AXIN1: variants seen among roughly 807,000 people sequenced by gnomAD.
AXIN1 encodes axin 1.
Under a neutral mutation model 76.4 loss-of-function variants are expected in AXIN1, and 30 were observed. The ratio of observed to expected loss-of-function variants is 0.39; its 90% CI spans 0.29 to 0.53. The LOEUF is 0.53. Among genes scored for constraint, AXIN1 ranks in the 20% least tolerant of loss-of-function variants. The probability of loss-of-function intolerance (pLI) is 0.66; values close to 1 mark genes in which losing one functional copy is unlikely to be tolerated. For synonymous variants in AXIN1, 545 were observed against 501.4 expected (o/e 1.09, Z -1.16); for missense variants, 1,140 against 1,198.8 (o/e 0.95, Z 0.72).
At chr16:319,657 G>A (rs1275016471) in intron 2 of AXIN1, among the ~76,000 whole-genome samples, 1 of 152,184 alleles carries the variant, frequency 6.6e-6, no homozygotes, top group Non-Finnish European at 1.5e-5. Flanking sequence ...CCCCAGGAAG[G>A]CACCTCTCTG....
rs9939865 is a variant in AXIN1, at chr16:287,613, G to A, written c.*509C>T. 0.03 allele frequency: 9,514 copies of A among 312,364 alleles called. 254 individuals carry two copies. Among genetic ancestry groups the A allele is most frequent in the African/African-American group, 0.078 (3,715 of 47,848 alleles). 19.3% of individuals were successfully genotyped at this position (312,364 alleles called of 1,614,324 possible). ...AAGGAGGACCCAGGACTGCACAGCC[G>A]GCGGCTGGAGGCAGGTGCAGTGCTC... On this transcript the variant is annotated 3_prime_UTR_variant, in exon 11 of 11. Coordinates refer to ENST00000262320, the MANE Select transcript of AXIN1 (RefSeq NM_003502.4).
intron 5 of AXIN1, among the ~76,000 whole-genome samples, chr16:301,611 C>G (rs1270191337): frequency 1.3e-5 from 2 of 152,198 alleles, no homozygotes; most frequent in Non-Finnish European, 2.9e-5. Flanking sequence ...GGTAATATAG[C>G]AAGATTCCAT....
At chr16:350,999 C>T (rs568333169) in intron 1 of AXIN1, among the ~76,000 whole-genome samples, 22 of 152,250 alleles carry the variant, frequency 1.4e-4, no homozygotes, top group Middle Eastern at 3.4e-3. Flanking sequence ...GGCTTGGTGG[C>T]GCATGCCTAT....
intron 2 of AXIN1, among the ~76,000 whole-genome samples, chr16:341,272 G>A (rs1173718229): frequency 6.6e-6 from 1 of 152,270 alleles, no homozygotes; most frequent in Non-Finnish European, 1.5e-5. Context: ...GGAGGGAGAG[G>A]CGCGAGCGGG....
At chr16:308,989 C>T (rs919795493) in intron 4 of AXIN1, among the ~76,000 whole-genome samples, 9 of 152,184 alleles carry the variant, frequency 5.9e-5, no homozygotes, top group Admixed American at 1.3e-4. Context: ...AAAATGCCTA[C>T]TTCCCTGCAC....
Position 297,258 on chromosome 16 carries a change from C to A in AXIN1, c.1785-32G>T, listed in dbSNP as rs780326608. On this transcript the variant is annotated intron_variant, in intron 6 of 10. Transcript: ENST00000262320. ...GGGCAAGAGCTGCGAGTCGCCCTGG[C>A]CTCCGGTGGCCGAGGCTGTGCCCCT... is the stretch of plus-strand genomic sequence containing the variant. 1.2e-5 allele frequency: 19 copies of A among 1,600,670 alleles called. No individual in the cohort carries two copies. In the African/African-American group the frequency reaches 2.3e-4, roughly 19 times the overall value.
At position 344,299 on chromosome 16, in the gene AXIN1, G is replaced by A. The variant is rs550919227; in HGVS notation, c.878+1849C>T. ...ACAAAAAATTGGCCGGCATGGTGGC[G>A]GGCGCCTGTAGTCCCAGCTACTTGG... On this transcript the variant is annotated intron_variant, in intron 2 of 10. Transcript: ENST00000262320. Among the ~76,000 whole-genome samples, 207 of 151,336 alleles carry A rather than the reference G, an allele frequency of 1.4e-3. 2 individuals are homozygous for A. Among genetic ancestry groups the A allele is most frequent in the African/African-American group, 1.4e-3 (59 of 41,338 alleles).
Position 293,311 on chromosome 16 carries a change from G to A in AXIN1, c.2186+177C>T. The A allele has an allele frequency of 1.5e-6, 1 of 663,426 alleles. No individual in the cohort carries two copies. The highest frequency in any genetic ancestry group is 4.2e-4 in the Middle Eastern group (1 of 2,384). The allele number at this position is 663,426 out of a possible 1,614,324, so 41.1% of individuals were successfully genotyped here. ...CAGCCCCAGCCTCCGTCCACCGCAG[G>A]GTGGCCTGCCACGTGGCCCCTCAGT... On this transcript the variant is annotated intron_variant, in intron 8 of 10. Coordinates refer to ENST00000262320, the MANE Select transcript of AXIN1 (RefSeq NM_003502.4). This position sits in a 1 kb window ranked among gnomAD's most constrained non-coding sequence, Gnocchi z 4.6.
chr16:327,606 C>A (rs13332558), intron 2 of AXIN1, among the ~76,000 whole-genome samples: 6 of 152,210 alleles, frequency 3.9e-5, no homozygotes, highest in African/African-American at 1.4e-4. Context: ...TGTCCACAGG[C>A]GCAGCACAGG....
intron 9 of AXIN1, chr16:290,719 G>C (rs567630737): frequency 3.3e-6 from 1 of 306,770 alleles, no homozygotes. Flanking sequence ...GGTGGGAGCA[G>C]AGCCCCGACT....
chr16:291,374 T>C, intron 8 of AXIN1, 77 bp from the exon 9 acceptor site: 1 of 1,255,760 alleles, frequency 8.0e-7, no homozygotes, highest in African/African-American at 1.5e-5. Flanking sequence ...CCAATGCTGC[T>C]GCGCAGGGAC....
rs2052961375 is a variant in AXIN1 at position 304,404 on chromosome 16, G to A, written c.1154C>T (p.Pro385Leu). 6.2e-7 allele frequency: 1 copy of A among 1,612,760 alleles called. No homozygotes were observed. Among genetic ancestry groups the A allele is most frequent in the Non-Finnish European group, 8.5e-7 (1 of 1,179,966 alleles). Reference sequence around the variant, plus strand: ...GATGAGCTCCTCCGCGAACTTCTGAGGCTCCACGCGGACCTCCTTCGGCAC... The same window carrying A: ...GATGAGCTCCTCCGCGAACTTCTGAAGCTCCACGCGGACCTCCTTCGGCAC... ...YRVPKEVRVE[P>L]QKFAEELIHR... The change falls in exon 5 of 11, where the codon CCT becomes CTT. Residue 385 changes from proline to leucine, a missense_variant. Coordinates refer to ENST00000262320, the MANE Select transcript of AXIN1 (RefSeq NM_003502.4).
At chr16:348,245 G>C (rs1385501948) in intron 1 of AXIN1, among the ~76,000 whole-genome samples, 1 of 152,234 alleles carries the variant, frequency 6.6e-6, no homozygotes, top group Non-Finnish European at 1.5e-5. Flanking sequence ...ACAACAGCCT[G>C]CCATGATGTA....
intron 3 of AXIN1, 72 bp downstream of exon 3, chr16:314,471 G>C (rs2053253307): frequency 6.2e-7 from 1 of 1,600,546 alleles, no homozygotes; most frequent in Admixed American, 1.7e-5. Context: ...CTGTCCTCAA[G>C]GGACAAGGTG....
chr16:294,908 C>CA (rs2052668153), intron 7 of AXIN1, among the ~76,000 whole-genome samples: 1 of 150,632 alleles, frequency 6.6e-6, no homozygotes, highest in Admixed American at 6.6e-5. Flanking sequence ...TAAAAAAATA[C>CA]AAAAAATTAG....
intron 2 of AXIN1, among the ~76,000 whole-genome samples, chr16:330,442 AAC>A (rs2053671658): frequency 6.6e-6 from 1 of 152,210 alleles, no homozygotes; most frequent in South Asian, 2.1e-4. Context: ...GTACATGAAG[AAC>A]ACTTTGAAAA....
Position 344,551 on chromosome 16 carries a change from C to T in AXIN1, c.878+1597G>A, listed in dbSNP as rs185488877. Among the ~76,000 whole-genome samples, 484 of 151,244 alleles carry T rather than the reference C, an allele frequency of 3.2e-3. 2 individuals carry two copies. Among genetic ancestry groups the T allele is most frequent in the South Asian group, 3.8e-3 (18 of 4,768 alleles). On this transcript the variant is annotated intron_variant, in intron 2 of 10. Coordinates refer to ENST00000262320, the MANE Select transcript of AXIN1 (RefSeq NM_003502.4). ...TCGCCCAGGCTGGAGTGCAATGGCA[C>T]AACCAAGGCTCACTGCAACCTCTGC...
chr16:289,743 G>GCCCGAGGCCCCACTGCC lies in AXIN1; in HGVS notation c.2295-137_2295-136insGGCAGTGGGGCCTCGGG, dbSNP rs550936034. On this transcript the variant is annotated intron_variant, in intron 9 of 10. Coordinates refer to ENST00000262320, the MANE Select transcript of AXIN1 (RefSeq NM_003502.4). ...GCAGCACCCCATTCAAACACCTGGG[G>GCCCGAGGCCCCACTGCC]CCCGCAGCCCCCGCACAGCATCTCA... The GCCCGAGGCCCCACTGCC allele has an allele frequency of 8.7e-5, 94 of 1,083,452 alleles. 1 individual carries two copies. In the East Asian group the frequency reaches 2.4e-3, roughly 28 times the overall value. 67.1% of individuals were successfully genotyped at this position (1,083,452 alleles called of 1,614,324 possible). A position where few individuals can be genotyped will look rare whatever the true frequency, so the allele number is the denominator to read the frequency against.
intron 2 of AXIN1, among the ~76,000 whole-genome samples, chr16:341,461 C>T (rs1171996332): frequency 6.6e-6 from 1 of 152,266 alleles, no homozygotes; most frequent in East Asian, 1.9e-4. Context: ...CCCACCGGAG[C>T]TGCGCTCAAT....
Sources: gnomAD v4.1 joint callset for allele counts (sites outside exome capture counted in the v4.1 genomes callset) on GRCh38, gnomAD v4.1.1 for gene constraint, Gnocchi (gnomAD v3.1) non-coding constraint, MANE v1.5 for transcripts, NCBI Gene and HGNC (gene_info 2026-07-23, HGNC 2026-07-21) for gene names.